FBXL16: variants seen among roughly 807,000 people sequenced by gnomAD.
FBXL16 encodes the protein F-box and leucine rich repeat protein 16, also known as F-box/LRR-repeat protein 16.
FBXL16 carries 7 observed loss-of-function variants against 36.7 expected under a neutral mutation model. The ratio of observed to expected loss-of-function variants is 0.19; its 90% CI spans 0.11 to 0.36. The LOEUF is 0.36. FBXL16 is among the 10% of genes least tolerant of loss of function. The probability of loss-of-function intolerance (pLI) is 1.00; values close to 1 mark genes in which losing one functional copy is unlikely to be tolerated. For missense variants in FBXL16, 463 were observed against 659.4 expected (o/e 0.70, Z 3.26); for synonymous variants, 355 against 308.7 (o/e 1.15, Z -1.57).
At chr16:698,929 A>AAAAAG (rs1279425091) in intron 1 of FBXL16, among the ~76,000 whole-genome samples, 6 of 87,810 alleles carry the variant, frequency 6.8e-5, no homozygotes, top group African/African-American at 2.2e-4. Context: ...AAAAAAAAAA[A>AAAAAG]AAAGAAAGAA....
chr16:696,999 C>T lies in FBXL16; in HGVS notation c.407G>A (p.Gly136Asp). 1 of 1,595,714 alleles carries T rather than the reference C, an allele frequency of 6.3e-7. No homozygotes were observed. Among genetic ancestry groups the T allele is most frequent in the Non-Finnish European group, 8.5e-7 (1 of 1,171,654 alleles). The change falls in exon 2 of 6, where the codon GGC (glycine) becomes GAC (aspartate). Residue 136 changes from glycine (G) to aspartate (D), a missense_variant. Gly to Asp is a moderately conservative substitution (Grantham distance 94). Coordinates refer to ENST00000397621, the MANE Select transcript of FBXL16 (RefSeq NM_153350.4). ...RVLYQPKFWA[G>D]LTPVLHAKEL... ...CTTGGCATGCAGCACCGGCGTGAGG[C>T]CTGCCCAGAACTTGGGCTGGTACAG...
chr16:704,783 A>C (rs1567300673), intron 1 of FBXL16, among the ~76,000 whole-genome samples: 1 of 152,168 alleles, frequency 6.6e-6, no homozygotes, highest in Non-Finnish European at 1.5e-5. Flanking sequence ...AGGCTGCCCG[A>C]ACAGAGCCTG....
intron 2 of FBXL16, 132 bp from the exon 3 acceptor site, chr16:696,055 T>G: frequency 1.5e-6 from 2 of 1,335,718 alleles, no homozygotes; most frequent in African/African-American, 1.5e-5. Context: ...AGGCGGGGCA[T>G]CGGGACGAGA....
intron 2 of FBXL16, among the ~76,000 whole-genome samples, chr16:696,537 G>C (rs562322219): frequency 6.6e-6 from 1 of 152,198 alleles, no homozygotes; most frequent in South Asian, 2.1e-4. Flanking sequence ...GTGCCGGGAT[G>C]ACAGGCTTGA....
Position 697,016 on chromosome 16 carries a change from C to T in FBXL16, c.390G>A (p.Gln130=), listed in dbSNP as rs375593200. The change falls in exon 2 of 6, where the codon CAG becomes CAA. Residue 130 remains glutamine, a synonymous_variant. Transcript: ENST00000397621. The surrounding 1 kb of genome is among the most constrained non-coding windows in gnomAD (Gnocchi z 4.6). The part of the protein sequence containing the change: ...VCKAWRRVLY[Q]PKFWAGLTPV... ...GCGTGAGGCCTGCCCAGAACTTGGG[C>T]TGGTACAGCACGCGCCGCCAGGCCT... 9.4e-6 allele frequency: 15 copies of T among 1,598,048 alleles called. No individual in the cohort carries two copies. The highest frequency in any genetic ancestry group is 1.2e-5 in the Non-Finnish European group (14 of 1,172,620).
Position 695,068 on chromosome 16 carries a change from C to A in FBXL16, c.1151G>T (p.Arg384Leu), listed in dbSNP as rs2040000017. Residue 384 changes from arginine to leucine, a missense_variant, in exon 4 of 6, where the codon CGC becomes CTC. Physicochemically the swap from Arg to Leu is moderately radical, Grantham distance 102. Coordinates refer to ENST00000397621, the MANE Select transcript of FBXL16 (RefSeq NM_153350.4). ...ATAGCTGAGGCCAGTGTCCGTGATGCGTACACACCTGTGGTTGCACCAGAG... is the reference window on the plus strand; with the variant it reads ...ATAGCTGAGGCCAGTGTCCGTGATGAGTACACACCTGTGGTTGCACCAGAG... The part of the protein sequence containing the change: ...LEELVLDRCV[R>L]ITDTGLSYLS... 1 of 1,605,004 alleles carries A rather than the reference C, an allele frequency of 6.2e-7. No individual in the cohort carries two copies.
intron 1 of FBXL16, among the ~76,000 whole-genome samples, chr16:698,655 G>C (rs2040032782): frequency 6.6e-6 from 1 of 152,186 alleles, no homozygotes; most frequent in African/African-American, 2.4e-5. Context: ...AGTGGCTGAT[G>C]CCTGTAATTC....
chr16:693,816 A>G lies in FBXL16; in HGVS notation c.*459T>C, dbSNP rs1489520068. On this transcript the variant is annotated 3_prime_UTR_variant, in exon 6 of 6. Transcript: ENST00000397621. ...TGTCCTGGGGGACCCAGCCCCCTCA[A>G]TCCCACTGGGCCCTGCCCGGGATGG... The G allele has an allele frequency of 6.5e-6, 1 of 152,814 alleles. No homozygotes were observed. The highest frequency in any genetic ancestry group is 2.4e-5 in the African/African-American group (1 of 41,412). The allele number at this position is 152,814 out of a possible 1,614,324, so 9.5% of individuals were successfully genotyped here.
intron 3 of FBXL16, 116 bp downstream of exon 3, chr16:695,299 C>T (rs1208108202): frequency 1.7e-6 from 2 of 1,181,300 alleles, no homozygotes; most frequent in African/African-American, 1.6e-5. Context: ...CCCGCCGCGC[C>T]ACAGCCCCAG....
At position 695,903 on chromosome 16, in the gene FBXL16, C is replaced by T. The variant is rs1340532488; in HGVS notation, c.654G>A (p.Gln218=). 8 of 1,593,792 alleles carry T rather than the reference C, an allele frequency of 5.0e-6. No individual in the cohort carries two copies. The highest frequency in any genetic ancestry group is 6.9e-6 in the Non-Finnish European group (8 of 1,166,070). ...CCGACAGCTCCAGACGCACCACGCC[C>T]TGCATCTGTTCAAGCATAACCTGCA... ...AGLEVMLEQM[Q]GVVRLELSGC... is the part of the protein sequence containing the mutation. The change falls in exon 3 of 6, where the codon CAG becomes CAA. Residue 218 remains glutamine, a synonymous_variant. Coordinates refer to ENST00000397621, the MANE Select transcript of FBXL16 (RefSeq NM_153350.4).
chr16:695,978 G>A, intron 2 of FBXL16, 55 bp from the exon 3 acceptor site: 1 of 1,529,886 alleles, frequency 6.5e-7, no homozygotes, highest in Non-Finnish European at 8.8e-7. Flanking sequence ...GGAGCCCGCA[G>A]GGAGGAAGCA....
chr16:698,964 G>T (rs1206440486), intron 1 of FBXL16, among the ~76,000 whole-genome samples: 2 of 132,164 alleles, frequency 1.5e-5, no homozygotes, highest in East Asian at 5.5e-4. Flanking sequence ...AAAAAGAAAA[G>T]AAAAAGAAAA....
chr16:702,604 G>A (rs1441565885), intron 1 of FBXL16, among the ~76,000 whole-genome samples: 1 of 152,232 alleles, frequency 6.6e-6, no homozygotes. Context: ...GGCCCCCGGA[G>A]GGCTGATGGA....
chr16:696,799 A>C lies in FBXL16; in HGVS notation c.607T>G (p.Ser203Ala). 1 of 1,236,914 alleles carries C rather than the reference A, an allele frequency of 8.1e-7. No homozygotes were observed. Among genetic ancestry groups the C allele is most frequent in the Non-Finnish European group, 1.0e-6 (1 of 970,466 alleles). 76.6% of individuals were successfully genotyped at this position (1,236,914 alleles called of 1,614,324 possible). A position where few individuals can be genotyped will look rare whatever the true frequency, so the allele number is the denominator to read the frequency against. Residue 203 changes from serine to alanine, a missense_variant, in exon 2 of 6, where the codon TCC (serine) becomes GCC (alanine). Around this residue, in one of 3 missense-constraint regions of FBXL16, gnomAD observed 263 missense variants for 341.1 expected, o/e 0.77. Transcript: ENST00000397621. Reference sequence around the variant, plus strand: ...TCGAGGCCTGCGTCCGTGATGGTGGAGCGCTTGAGGCTCATGGCTTTGACA... The same window carrying C: ...TCGAGGCCTGCGTCCGTGATGGTGGCGCGCTTGAGGCTCATGGCTTTGACA... ...KGVKAMSLKRSTITDAGLEVM... is the reference protein window; with the variant it reads ...KGVKAMSLKRATITDAGLEVM...
At chr16:702,058 G>C (rs2151522552) in intron 1 of FBXL16, among the ~76,000 whole-genome samples, 1 of 152,306 alleles carries the variant, frequency 6.6e-6, no homozygotes, top group South Asian at 2.1e-4. Flanking sequence ...GGTGGGGCCT[G>C]GGTGCTCCTG....
At position 692,899 on chromosome 16, in the gene FBXL16, C is replaced by T. The variant is rs1450611656; in HGVS notation, c.*1376G>A. 6.6e-6 allele frequency: 1 copy of T among 152,180 alleles called. No homozygotes were observed. The highest frequency in any genetic ancestry group is 2.4e-5 in the African/African-American group (1 of 41,294). 9.4% of individuals were successfully genotyped at this position (152,180 alleles called of 1,614,324 possible). ...CTGATTCAACAGCATCTCTCTCTCT[C>T]TTTCTCTCTCTCTCTCACTCTCTTT... On this transcript the variant is annotated 3_prime_UTR_variant, in exon 6 of 6. Coordinates refer to ENST00000397621, the MANE Select transcript of FBXL16 (RefSeq NM_153350.4).
intron 1 of FBXL16, among the ~76,000 whole-genome samples, chr16:703,949 C>T (rs2040073471): frequency 6.6e-6 from 1 of 152,376 alleles, no homozygotes; most frequent in East Asian, 1.9e-4. Flanking sequence ...TAACCATCAC[C>T]CCTCTTTCCT....
At position 702,366 on chromosome 16, in the gene FBXL16, C is replaced by T. The variant is rs561043776; in HGVS notation, c.-15+3146G>A. On this transcript the variant is annotated intron_variant, in intron 1 of 5. Coordinates refer to ENST00000397621, the MANE Select transcript of FBXL16 (RefSeq NM_153350.4). ...GCGAGGTCGCCCCTGCCTCCTGCTC[C>T]GGGACCCCCAGCTCTTGAGAAAGCG... Among the ~76,000 whole-genome samples the T allele has an allele frequency of 4.7e-3, 717 of 152,266 alleles. 5 individuals carry two copies. Among genetic ancestry groups the T allele is most frequent in the Non-Finnish European group, 7.9e-3 (537 of 68,008 alleles).
rs2039993001 is a variant in FBXL16, at chr16:694,263, G to A, written c.*12C>T. 2 of 1,363,710 alleles carry A rather than the reference G, an allele frequency of 1.5e-6. No individual in the cohort carries two copies. The highest frequency in any genetic ancestry group is 1.9e-6 in the Non-Finnish European group (2 of 1,055,090). 84.5% of individuals were successfully genotyped at this position (1,363,710 alleles called of 1,614,324 possible). ...ATGGCCGGGTTCCCGCGACCGGGGCGGGGGCCTCGCGCTACTCAATGACGA... is the reference window on the plus strand; with the variant it reads ...ATGGCCGGGTTCCCGCGACCGGGGCAGGGGCCTCGCGCTACTCAATGACGA... On this transcript the variant is annotated 3_prime_UTR_variant, in exon 6 of 6. Transcript: ENST00000397621.
Sources: gnomAD v4.1 joint callset for allele counts (sites outside exome capture counted in the v4.1 genomes callset) on GRCh38, gnomAD v4.1.1 for gene constraint, gnomAD v4.1.1 regional missense constraint, Gnocchi (gnomAD v3.1) non-coding constraint, MANE v1.5 for transcripts, NCBI Gene and HGNC (gene_info 2026-07-23, HGNC 2026-07-21) for gene names.